Variants in KCNQ5 observed in about 807,000 individuals in gnomAD.
KCNQ5 encodes the protein potassium voltage-gated channel subfamily KQT member 5.
In KCNQ5, 30 loss-of-function variants were observed where a neutral mutation model predicts 98.2. That is an observed-to-expected ratio of 0.31 (90% CI 0.23 to 0.41). The LOEUF (loss-of-function observed/expected upper bound fraction) is 0.41. KCNQ5 is among the 10% of genes least tolerant of loss of function. KCNQ5 has a pLI of 1.00. For missense variants in KCNQ5, 835 were observed against 1,182.5 expected (o/e 0.71, Z 4.31); for synonymous variants, 458 against 449.4 (o/e 1.02, Z -0.24).
intron 7 of KCNQ5, among the ~76,000 whole-genome samples, chr6:73,113,915 T>C (rs1314153687): frequency 6.6e-6 from 1 of 152,244 alleles, no homozygotes; most frequent in Admixed American, 6.5e-5. Flanking sequence ...CGTGAGTTTT[T>C]ATTTTACTTA....
At chr6:73,190,477 C>T in intron 11 of KCNQ5, 96 bp from the exon 12 acceptor site, 1 of 589,640 alleles carries the variant, frequency 1.7e-6, no homozygotes, top group Non-Finnish European at 2.5e-6. Context: ...CATGACTTTT[C>T]CCCCCAGAGT....
At chr6:72,880,137 T>C (rs1778581075) in intron 1 of KCNQ5, among the ~76,000 whole-genome samples, 1 of 152,222 alleles carries the variant, frequency 6.6e-6, no homozygotes, top group Non-Finnish European at 1.5e-5. Context: ...ACAGAATTTA[T>C]AGAAAAATTC....
intron 5 of KCNQ5, among the ~76,000 whole-genome samples, chr6:73,102,966 G>A (rs1774850114): frequency 6.6e-6 from 1 of 152,128 alleles, no homozygotes; most frequent in East Asian, 1.9e-4. Context: ...ATTCCCAAAA[G>A]AAAGGAAATC....
At chr6:72,759,109 A>G (rs954104144) in intron 1 of KCNQ5, among the ~76,000 whole-genome samples, 1 of 152,196 alleles carries the variant, frequency 6.6e-6, no homozygotes, top group Non-Finnish European at 1.5e-5. Flanking sequence ...TTCTTGTTTC[A>G]GGTGAAGCTG....
At chr6:72,645,216 A>AC (rs1335885844) in intron 1 of KCNQ5, among the ~76,000 whole-genome samples, 41 of 146,248 alleles carry the variant, frequency 2.8e-4, no homozygotes, top group African/African-American at 5.9e-4. Context: ...AAAAAAAACA[A>AC]AAAAAAACAA....
chr6:72,959,059 T>G (rs561129249), intron 1 of KCNQ5, among the ~76,000 whole-genome samples: 29 of 152,354 alleles, frequency 1.9e-4, no homozygotes, highest in African/African-American at 5.8e-4. Flanking sequence ...CCAGTACTCT[T>G]TGTTTTCCCT....
chr6:73,124,354 T>G, intron 8 of KCNQ5, 132 bp from the exon 9 acceptor site: 1 of 772,514 alleles, frequency 1.3e-6, no homozygotes, highest in Non-Finnish European at 2.2e-6. Flanking sequence ...AGAACACTGC[T>G]TTTGTGGATC....
intron 1 of KCNQ5, among the ~76,000 whole-genome samples, chr6:72,808,905 G>C (rs1775088656): frequency 1.3e-5 from 2 of 151,860 alleles, no homozygotes; most frequent in Non-Finnish European, 1.5e-5. Context: ...ATACCCAAAG[G>C]ATTATAAATC....
At chr6:73,106,096 A>C (rs1411744730) in intron 6 of KCNQ5, among the ~76,000 whole-genome samples, 1 of 152,064 alleles carries the variant, frequency 6.6e-6, no homozygotes. Flanking sequence ...CGGTGGGAGC[A>C]GAAGTGCTTA....
chr6:72,652,750 A>G (rs1481521497), intron 1 of KCNQ5, among the ~76,000 whole-genome samples: 2 of 151,984 alleles, frequency 1.3e-5, no homozygotes, highest in Non-Finnish European at 2.9e-5. Flanking sequence ...CCCTGAGGAG[A>G]GGCACTGTGC....
At chr6:72,980,089 T>C (rs533411062) in intron 1 of KCNQ5, among the ~76,000 whole-genome samples, 1 of 152,338 alleles carries the variant, frequency 6.6e-6, no homozygotes, top group African/African-American at 2.4e-5. Flanking sequence ...CCTTGTAGTA[T>C]AGTTTCAAGC....
chr6:72,811,495 C>T (rs563390860), intron 1 of KCNQ5, among the ~76,000 whole-genome samples: 16 of 152,164 alleles, frequency 1.1e-4, no homozygotes, highest in South Asian at 8.3e-4. Context: ...AAATGATATA[C>T]GCAAGCATCT....
At chr6:72,795,842 TA>T (rs1774303052) in intron 1 of KCNQ5, among the ~76,000 whole-genome samples, 1 of 152,150 alleles carries the variant, frequency 6.6e-6, no homozygotes, top group African/African-American at 2.4e-5. Context: ...TTACTCAGTT[TA>T]AAACGTTCAT....
intron 11 of KCNQ5, among the ~76,000 whole-genome samples, chr6:73,187,310 C>T (rs1765409191): frequency 6.6e-6 from 1 of 152,292 alleles, no homozygotes; most frequent in South Asian, 2.1e-4. Flanking sequence ...CCACCCGCCT[C>T]GGCCTCCCAA....
chr6:73,103,470 T>C (rs1362814494), intron 5 of KCNQ5, among the ~76,000 whole-genome samples: 2 of 56,926 alleles, frequency 3.5e-5, no homozygotes, highest in Non-Finnish European at 5.2e-5. Context: ...GAACATCACA[T>C]ACTGGGGCCT....
intron 10 of KCNQ5, among the ~76,000 whole-genome samples, chr6:73,152,670 A>C (rs1234254134): frequency 6.6e-6 from 1 of 152,098 alleles, no homozygotes; most frequent in African/African-American, 2.4e-5. Context: ...CTCATAATAA[A>C]ATGTTGGAGA....
chr6:73,090,493 T>C (rs151265406), intron 5 of KCNQ5, among the ~76,000 whole-genome samples: 1 of 152,302 alleles, frequency 6.6e-6, no homozygotes, highest in African/African-American at 2.4e-5. Context: ...CCTAACTCAA[T>C]GTATAGAAGG....
intron 1 of KCNQ5, among the ~76,000 whole-genome samples, chr6:72,722,493 AC>A (rs764035272): frequency 6.6e-5 from 10 of 152,216 alleles, no homozygotes; most frequent in Non-Finnish European, 1.5e-4. Context: ...TGATTCTGCC[AC>A]AACTACCTTG....
intron 1 of KCNQ5, among the ~76,000 whole-genome samples, chr6:72,780,721 T>C (rs182991569): frequency 1.7e-4 from 26 of 152,282 alleles, no homozygotes; most frequent in Admixed American, 1.1e-3. Flanking sequence ...CTGGATAACA[T>C]GTAAGGTTTT....
Sources: allele counts gnomAD v4.1 joint callset (sites outside exome capture counted in the v4.1 genomes callset), GRCh38; gene constraint gnomAD v4.1.1; transcripts MANE v1.5; gene names NCBI Gene and HGNC (gene_info 2026-07-23, HGNC 2026-07-21).